Variants in MBD5 observed in about 807,000 individuals in gnomAD.
MBD5 encodes the protein methyl-CpG-binding domain protein 5.
In MBD5, 13 loss-of-function variants were observed where a neutral mutation model predicts 117.3. That is an observed-to-expected ratio of 0.11 (90% CI 0.07 to 0.18). MBD5 has a LOEUF of 0.18. Ranked by LOEUF, MBD5 falls within the 10% of genes least tolerant of loss-of-function variation. The pLI is 1.00. For missense variants in MBD5, 1,879 were observed against 2,093.8 expected, an observed-to-expected ratio of 0.90 and a Z score of 2.00; for synonymous variants, 727 against 766.4, an observed-to-expected ratio of 0.95 and a Z score of 0.85.
At chr2:148,337,927 A>G (rs1267634457) in intron 3 of MBD5, among the ~76,000 whole-genome samples, 1 of 152,190 alleles carries the variant, frequency 6.6e-6, no homozygotes, top group East Asian at 1.9e-4. Flanking sequence ...ATACTTCAGT[A>G]GGCAGATGGT....
chr2:148,142,845 G>A (rs1007547578), intron 1 of MBD5, among the ~76,000 whole-genome samples: 2 of 152,030 alleles, frequency 1.3e-5, no homozygotes, highest in African/African-American at 2.4e-5. Flanking sequence ...TATAAAAATT[G>A]TACTAAGTAC....
intron 1 of MBD5, among the ~76,000 whole-genome samples, chr2:148,079,900 AAC>A (rs1213208391): frequency 1.9e-4 from 28 of 149,058 alleles, no homozygotes; most frequent in Non-Finnish European, 3.3e-4. Flanking sequence ...CAACAACAAC[AAC>A]AAAAACTTGC....
chr2:148,114,987 T>G (rs1454124321), intron 1 of MBD5, among the ~76,000 whole-genome samples: 1 of 152,168 alleles, frequency 6.6e-6, no homozygotes, highest in East Asian at 1.9e-4. Context: ...TGTATATATG[T>G]ATATGCATAT....
At chr2:148,132,217 A>G (rs1697065170) in intron 1 of MBD5, among the ~76,000 whole-genome samples, 1 of 151,940 alleles carries the variant, frequency 6.6e-6, no homozygotes, top group African/African-American at 2.4e-5. Flanking sequence ...GATTACAAAA[A>G]GAGAGTTTTA....
chr2:148,093,778 A>G (rs961593844), intron 1 of MBD5, among the ~76,000 whole-genome samples: 2 of 152,202 alleles, frequency 1.3e-5, no homozygotes, highest in Non-Finnish European at 2.9e-5. Flanking sequence ...TGGAAATTTC[A>G]GTGTAAAAGA....
intron 4 of MBD5, among the ~76,000 whole-genome samples, chr2:148,364,385 A>G (rs2105325216): frequency 6.6e-6 from 1 of 152,352 alleles, no homozygotes; most frequent in African/African-American, 2.4e-5. Flanking sequence ...AGCCACTGCA[A>G]AAACATACCA....
chr2:148,441,857 T>C (rs1706335511), intron 4 of MBD5, among the ~76,000 whole-genome samples: 1 of 152,158 alleles, frequency 6.6e-6, no homozygotes, highest in Non-Finnish European at 1.5e-5. Context: ...TGTTGGCCAG[T>C]GATGATGAGT....
intron 3 of MBD5, among the ~76,000 whole-genome samples, chr2:148,279,437 A>G (rs1559002706): frequency 6.6e-6 from 1 of 152,162 alleles, no homozygotes; most frequent in Non-Finnish European, 1.5e-5. Flanking sequence ...TCTGTAAAAA[A>G]TAAAAATTAA....
chr2:148,103,959 T>A (rs1169960789), intron 1 of MBD5, among the ~76,000 whole-genome samples: 1 of 152,182 alleles, frequency 6.6e-6, no homozygotes, highest in Admixed American at 6.5e-5. Context: ...ATGGCATATG[T>A]GTGCATGATG....
chr2:148,141,165 A>G (rs1184664202), intron 1 of MBD5, among the ~76,000 whole-genome samples: 1 of 152,200 alleles, frequency 6.6e-6, no homozygotes, highest in Non-Finnish European at 1.5e-5. Flanking sequence ...TGTATTTATG[A>G]AGTATCCTTG....
chr2:148,222,855 T>G lies in MBD5; in HGVS notation c.-830-10390T>G, dbSNP rs564056664. Among the ~76,000 whole-genome samples the G allele has an allele frequency of 2.1e-3, 314 of 152,254 alleles. 1 individual carries two copies. The highest frequency in any genetic ancestry group is 3.7e-3 in the Non-Finnish European group (249 of 67,958). On this transcript the variant is annotated intron_variant, in intron 2 of 13. Transcript: ENST00000642680. ...GGCCATCCTTTTCATCTTCCAGATC[T>G]TATACAAAAGGCTTTTAGCTTTTCC...
chr2:148,310,619 T>G, intron 3 of MBD5, among the ~76,000 whole-genome samples: 1 of 152,178 alleles, frequency 6.6e-6, no homozygotes, highest in East Asian at 1.9e-4. Context: ...TGATTTTTTT[T>G]GAAGTGTTTT....
intron 3 of MBD5, among the ~76,000 whole-genome samples, chr2:148,238,965 T>C (rs1423633639): frequency 6.6e-6 from 1 of 151,874 alleles, no homozygotes; most frequent in African/African-American, 2.4e-5. Context: ...AACATATTTT[T>C]GGAGAAACAT....
intron 4 of MBD5, among the ~76,000 whole-genome samples, chr2:148,426,332 C>T (rs1308838514): frequency 6.6e-6 from 1 of 152,162 alleles, no homozygotes; most frequent in East Asian, 1.9e-4. Context: ...AAAAAAGAGC[C>T]CGCATCGCAA....
chr2:148,426,712 C>A lies in MBD5; in HGVS notation c.-556-31491C>A, dbSNP rs1320211851. Among the ~76,000 whole-genome samples the A allele has an allele frequency of 5.3e-5, 8 of 151,930 alleles. No individual in the cohort carries two copies. In the South Asian group the frequency reaches 1.5e-3, roughly 28 times the overall value. On this transcript the variant is annotated intron_variant, in intron 4 of 13. Coordinates refer to ENST00000642680, the MANE Select transcript of MBD5 (RefSeq NM_001378120.1). ...ACCATCAAAACCCTAGAAGAAAACT[C>A]GGCAATACCATTCAGGACATAGACA... is the stretch of plus-strand genomic sequence containing the variant.
At chr2:148,484,285 C>A (rs1391933273) in intron 9 of MBD5, 150 bp downstream of exon 9, 7 of 643,344 alleles carry the variant, frequency 1.1e-5, no homozygotes, top group Non-Finnish European at 1.8e-5. Flanking sequence ...TAACAACACC[C>A]ACACACAACC....
rs1241942782 is a variant in MBD5 at position 148,270,232 on chromosome 2, C to A, written c.-680+36837C>A. Among the ~76,000 whole-genome samples, 3 of 152,012 alleles carry A rather than the reference C, an allele frequency of 2.0e-5. 1 individual carries two copies. The highest frequency in any genetic ancestry group is 4.4e-5 in the Non-Finnish European group (3 of 68,014). Reference sequence around the variant, plus strand: ...CAGACTACTGTATTGGCTGGCTTGTCTTGAATAAGGTATGCATGACATTAG... The same window carrying A: ...CAGACTACTGTATTGGCTGGCTTGTATTGAATAAGGTATGCATGACATTAG... On this transcript the variant is annotated intron_variant, in intron 3 of 13. Transcript: ENST00000642680.
At chr2:148,239,925 C>A (rs1019115658) in intron 3 of MBD5, among the ~76,000 whole-genome samples, 57 of 152,052 alleles carry the variant, frequency 3.7e-4, no homozygotes, top group African/African-American at 1.2e-3. Flanking sequence ...GGTATATACC[C>A]AAAGGATTAT....
chr2:148,056,361 G>A (rs1414147124), intron 1 of MBD5, among the ~76,000 whole-genome samples: 1 of 151,986 alleles, frequency 6.6e-6, no homozygotes, highest in Non-Finnish European at 1.5e-5. Flanking sequence ...TTGTGGGCTA[G>A]AATCTACAGT....
Sources: allele counts gnomAD v4.1 joint callset (sites outside exome capture counted in the v4.1 genomes callset), GRCh38; gene constraint gnomAD v4.1.1; transcripts MANE v1.5; gene names NCBI Gene and HGNC (gene_info 2026-07-23, HGNC 2026-07-21).